Variants in PCDH10 observed in about 807,000 individuals in gnomAD.
The protein encoded by PCDH10 is protocadherin-10.
PCDH10 carries 15 observed loss-of-function variants against 74.4 expected under a neutral mutation model. That is an observed-to-expected ratio of 0.20 (90% CI 0.13 to 0.31). The LOEUF is 0.31. PCDH10 is among the 10% of genes least tolerant of loss of function. The probability of loss-of-function intolerance (pLI) is 1.00; values close to 1 mark genes in which losing one functional copy is unlikely to be tolerated. For synonymous variants in PCDH10, 619 were observed against 589.8 expected, an observed-to-expected ratio of 1.05 and a Z score of -0.72; for missense variants, 1,260 against 1,390.2, an observed-to-expected ratio of 0.91 and a Z score of 1.49.
intron 4 of PCDH10, among the ~76,000 whole-genome samples, chr4:133,180,052 A>G (rs1169547474): frequency 6.6e-6 from 1 of 151,874 alleles, no homozygotes; most frequent in Non-Finnish European, 1.5e-5. Flanking sequence ...AAATTTTCAT[A>G]ATTTTCTGTT....
intron 4 of PCDH10, among the ~76,000 whole-genome samples, chr4:133,179,410 A>G (rs1727362797): frequency 6.6e-6 from 1 of 152,154 alleles, no homozygotes; most frequent in Admixed American, 6.6e-5. Context: ...AAAGACTTTT[A>G]TACTTAAGCT....
intron 4 of PCDH10, among the ~76,000 whole-genome samples, chr4:133,181,493 A>C (rs1032909093): frequency 6.6e-6 from 1 of 152,100 alleles, no homozygotes; most frequent in African/African-American, 2.4e-5. Flanking sequence ...ACAAACAAAA[A>C]ATACTTAGCA....
downstream of PCDH10, among the ~76,000 whole-genome samples, chr4:133,199,244 T>C (rs1035226887): frequency 2.7e-5 from 4 of 150,860 alleles, no homozygotes; most frequent in Admixed American, 6.6e-5. Flanking sequence ...GCTGAGATTG[T>C]GTCACTGCAC....
At chr4:133,179,469 A>G (rs1181753571) in intron 4 of PCDH10, among the ~76,000 whole-genome samples, 1 of 152,138 alleles carries the variant, frequency 6.6e-6, no homozygotes, top group East Asian at 1.9e-4. Context: ...CAGCTTCTTC[A>G]TAGATACTTT....
At chr4:133,165,083 T>C (rs1249737152) in intron 4 of PCDH10, among the ~76,000 whole-genome samples, 2 of 148,350 alleles carry the variant, frequency 1.3e-5, no homozygotes, top group East Asian at 1.9e-4. Context: ...TATACATACA[T>C]ATATTCATAT....
downstream of PCDH10, among the ~76,000 whole-genome samples, chr4:133,195,679 A>G (rs1227482884): frequency 6.6e-6 from 1 of 152,098 alleles, no homozygotes; most frequent in Non-Finnish European, 1.5e-5. Flanking sequence ...TCAAATAATT[A>G]AGTGATCAAA....
At chr4:133,168,236 T>A (rs541100344) in intron 4 of PCDH10, among the ~76,000 whole-genome samples, 49 of 151,430 alleles carry the variant, frequency 3.2e-4, no homozygotes, top group African/African-American at 1.1e-3. Context: ...AAATCTGAGG[T>A]GCAGATATGA....
At chr4:133,166,843 C>A (rs1399759370) in intron 4 of PCDH10, among the ~76,000 whole-genome samples, 2 of 151,404 alleles carry the variant, frequency 1.3e-5, no homozygotes, top group Non-Finnish European at 3.0e-5. Flanking sequence ...AAACTCAATA[C>A]AATTACATCA....
At chr4:133,206,441 G>A (rs1198197924) in intron 2 of PCDH10, among the ~76,000 whole-genome samples, 1 of 152,016 alleles carries the variant, frequency 6.6e-6, no homozygotes, top group African/African-American at 2.4e-5. Flanking sequence ...AACATTTTTG[G>A]TCCTTTTTAT....
At chr4:133,158,823 G>A in intron 3 of PCDH10, among the ~76,000 whole-genome samples, 1 of 152,088 alleles carries the variant, frequency 6.6e-6, no homozygotes, top group East Asian at 1.9e-4. Context: ...GAAACTTTGA[G>A]CTGCAACTTG....
At position 133,152,738 on chromosome 4, in the gene PCDH10, T is replaced by C. The variant is rs1726763316; in HGVS notation, c.2598T>C (p.Asp866=). ...CCGGTTACACCGACCAGCAGCCTGATATCATCTCCAACGGAAGCATTTTGT... is the reference window on the plus strand; with the variant it reads ...CCGGTTACACCGACCAGCAGCCTGACATCATCTCCAACGGAAGCATTTTGT... ...IVTGYTDQQP[D]IISNGSILSN... is the part of the protein sequence containing the mutation. The change falls in exon 1 of 5, where the codon GAT becomes GAC. Residue 866 remains aspartate, a synonymous_variant. Coordinates refer to ENST00000264360, the MANE Select transcript of PCDH10 (RefSeq NM_032961.3). The C allele has an allele frequency of 6.2e-7, 1 of 1,614,084 alleles. No homozygotes were observed. The highest frequency in any genetic ancestry group is 1.3e-5 in the African/African-American group (1 of 74,940).
chr4:133,173,712 A>T (rs1246347133), intron 4 of PCDH10, among the ~76,000 whole-genome samples: 1 of 146,306 alleles, frequency 6.8e-6, no homozygotes, highest in Admixed American at 7.1e-5. Context: ...TTAGAGGAAA[A>T]AGATTTAGTT....
At chr4:133,160,279 A>C (rs1726940849) in intron 3 of PCDH10, among the ~76,000 whole-genome samples, 1 of 151,942 alleles carries the variant, frequency 6.6e-6, no homozygotes, top group Non-Finnish European at 1.5e-5. Context: ...GAAGCTGTAT[A>C]TTATTACTAA....
rs1423344373 is a variant in PCDH10 at position 133,150,975 on chromosome 4, G to A, written c.835G>A (p.Glu279Lys). The change falls in exon 1 of 5, where the codon GAG (glutamate) becomes AAG (lysine). Residue 279 changes from glutamate to lysine, a missense_variant. Glu to Lys is a moderately conservative substitution (Grantham distance 56). This residue lies in a region of PCDH10 where 192 missense variants were observed against 161.2 expected (regional missense o/e 1.19). Transcript: ENST00000264360. ...VIQLNATDPDEGQNGEVVYSF... is the reference protein window; with the variant it reads ...VIQLNATDPDKGQNGEVVYSF... Reference sequence around the variant, plus strand: ...CCAGCTCAACGCCACCGACCCGGACGAGGGCCAGAACGGTGAGGTCGTGTA... The same window carrying A: ...CCAGCTCAACGCCACCGACCCGGACAAGGGCCAGAACGGTGAGGTCGTGTA... The A allele has an allele frequency of 6.2e-7, 1 of 1,613,924 alleles. No individual in the cohort carries two copies. Among genetic ancestry groups the A allele is most frequent in the Non-Finnish European group, 8.5e-7 (1 of 1,180,030 alleles).
Position 133,150,658 on chromosome 4 carries a change from C to T in PCDH10, c.518C>T (p.Thr173Ile). The T allele has an allele frequency of 6.2e-7, 1 of 1,613,144 alleles. No individual in the cohort carries two copies. The highest frequency in any genetic ancestry group is 8.5e-7 in the Non-Finnish European group (1 of 1,179,964). The change falls in exon 1 of 5, where the codon ACC becomes ATC. Residue 173 changes from threonine (T) to isoleucine (I), a missense_variant. Coordinates refer to ENST00000264360, the MANE Select transcript of PCDH10 (RefSeq NM_032961.3). ...PNSYFSLDVQ[T>I]QGDGNRFAEL... is the part of the protein sequence containing the mutation. ...AGCTACTTCTCCCTGGACGTGCAGA[C>T]CCAGGGGGATGGCAACCGATTCGCT...
intron 1 of PCDH10, chr4:133,153,351 A>C: frequency 1.4e-6 from 1 of 702,878 alleles, no homozygotes; most frequent in Non-Finnish European, 1.8e-6. Flanking sequence ...GGCTCTGGAC[A>C]GCATTTACAG....
intron 2 of PCDH10, among the ~76,000 whole-genome samples, chr4:133,201,253 A>T (rs1418250345): frequency 6.6e-6 from 1 of 152,200 alleles, no homozygotes; most frequent in East Asian, 1.9e-4. Context: ...ACATTGAAAG[A>T]AAAATAGGAA....
At chr4:133,184,806 A>T (rs1051661557) in intron 4 of PCDH10, among the ~76,000 whole-genome samples, 4 of 143,036 alleles carry the variant, frequency 2.8e-5, no homozygotes, top group African/African-American at 1.0e-4. Context: ...TTATATATAT[A>T]TATTTATATA....
chr4:133,158,030 T>G, intron 3 of PCDH10, among the ~76,000 whole-genome samples: 1 of 152,088 alleles, frequency 6.6e-6, no homozygotes, highest in East Asian at 1.9e-4. Context: ...GCTTCCCGTT[T>G]TTTTCAGTGA....
Sources: gnomAD v4.1 joint callset for allele counts (sites outside exome capture counted in the v4.1 genomes callset) on GRCh38, gnomAD v4.1.1 for gene constraint, gnomAD v4.1.1 regional missense constraint, MANE v1.5 for transcripts, NCBI Gene and HGNC (gene_info 2026-07-23, HGNC 2026-07-21) for gene names.